Variants in CDH4 observed in about 807,000 individuals in gnomAD.
The protein encoded by CDH4 is cadherin-4.
Under a neutral mutation model 86.0 loss-of-function variants are expected in CDH4, and 33 were observed. The observed-to-expected ratio is 0.38, with a 90% CI of 0.29 to 0.51. The LOEUF is 0.51. CDH4 is among the 20% of genes least tolerant of loss of function. The pLI is 0.86. For missense variants in CDH4, 1,114 were observed against 1,307.4 expected, an observed-to-expected ratio of 0.85 and a Z score of 2.28; for synonymous variants, 555 against 549.4, an observed-to-expected ratio of 1.01 and a Z score of -0.14.
intron 2 of CDH4, among the ~76,000 whole-genome samples, chr20:61,313,205 T>A (rs1600857738): frequency 6.6e-6 from 1 of 152,208 alleles, no homozygotes; most frequent in East Asian, 1.9e-4. Context: ...ACGTGGGGCC[T>A]GGCTTAGCCC....
At position 61,879,846 on chromosome 20, in the gene CDH4, A is replaced by AT. The variant is rs1175270179; in HGVS notation, c.1050+5950dup. 6.6e-6 allele frequency among the ~76,000 whole-genome samples: 1 copy of AT among 152,082 alleles called. No individual in the cohort carries two copies. The highest frequency in any genetic ancestry group is 1.5e-5 in the Non-Finnish European group (1 of 68,010). Reference sequence around the variant, plus strand: ...TTCCAGGCTGCTCCCGAGGATGTTGATTTTGTTATTAGAAACTGAATCCGG... The same window carrying AT: ...TTCCAGGCTGCTCCCGAGGATGTTGATTTTTGTTATTAGAAACTGAATCCGG... On this transcript the variant is annotated intron_variant, in intron 7 of 15. Transcript: ENST00000614565. The surrounding 1 kb of genome is among the most constrained non-coding windows in gnomAD (Gnocchi z 4.1).
In CDH4 at chr20:61,684,727, T is replaced by G. The variant is rs2087555108; in HGVS notation, c.170-58836T>G. ...ACAGCTCCCAATCCTCGCCAGCACC[T>G]GGGACCTGCCACACCCACCCAGCAC... On this transcript the variant is annotated intron_variant, in intron 2 of 15. Transcript: ENST00000614565. This position sits in a 1 kb window ranked among gnomAD's most constrained non-coding sequence, Gnocchi z 4.5. 6.6e-6 allele frequency among the ~76,000 whole-genome samples: 1 copy of G among 152,140 alleles called. No homozygotes were observed.
chr20:61,698,175 G>T (rs1213515967), intron 2 of CDH4, among the ~76,000 whole-genome samples: 1 of 152,162 alleles, frequency 6.6e-6, no homozygotes, highest in African/African-American at 2.4e-5. Flanking sequence ...GCTCCACTCC[G>T]GACGGTCCCT....
At chr20:61,893,159 GA>G (rs1197040904) in intron 7 of CDH4, among the ~76,000 whole-genome samples, 3 of 106,712 alleles carry the variant, frequency 2.8e-5, no homozygotes, top group African/African-American at 3.5e-5. Flanking sequence ...TGGGTGAATA[GA>G]GGGATGGTGG....
chr20:61,565,236 G>GTGCTCT (rs1568688609), intron 2 of CDH4, among the ~76,000 whole-genome samples: 3 of 57,344 alleles, frequency 5.2e-5, no homozygotes, highest in East Asian at 4.0e-4. Flanking sequence ...GGTGGTGGTG[G>GTGCTCT]TGGTGGCGGT....
chr20:61,340,385 C>T (rs1012144989), intron 2 of CDH4, among the ~76,000 whole-genome samples: 1 of 152,170 alleles, frequency 6.6e-6, no homozygotes, highest in African/African-American at 2.4e-5. Context: ...AATGCAGCCT[C>T]CATCGTGGGT....
At chr20:61,534,871 C>A (rs62201791) in intron 2 of CDH4, among the ~76,000 whole-genome samples, 1 of 112,588 alleles carries the variant, frequency 8.9e-6, no homozygotes, top group African/African-American at 3.3e-5. Context: ...GGCAGAGATG[C>A]CTGCTCATCC....
chr20:61,919,747 A>G (rs570584323), intron 9 of CDH4, among the ~76,000 whole-genome samples: 4 of 150,082 alleles, frequency 2.7e-5, no homozygotes, highest in Non-Finnish European at 4.4e-5. Context: ...GCGTGGAAGC[A>G]TGTCATGGTT....
At position 61,374,899 on chromosome 20, in the gene CDH4, C is replaced by G. The variant is rs538777124; in HGVS notation, c.169+119962C>G. On this transcript the variant is annotated intron_variant, in intron 2 of 15. Transcript: ENST00000614565. ...TGCATCTGCATTATACAGCTTCGGTCTCCACGACCTCCTATTGCAACCCAG... is the reference window on the plus strand; with the variant it reads ...TGCATCTGCATTATACAGCTTCGGTGTCCACGACCTCCTATTGCAACCCAG... Among the ~76,000 whole-genome samples, 4 of 152,332 alleles carry G rather than the reference C, an allele frequency of 2.6e-5. No individual in the cohort carries two copies. The South Asian group carries it at 6.2e-4, about 24-fold the overall frequency.
intron 2 of CDH4, among the ~76,000 whole-genome samples, chr20:61,436,295 C>T (rs1000938455): frequency 1.3e-5 from 2 of 152,206 alleles, no homozygotes; most frequent in African/African-American, 4.8e-5. Flanking sequence ...TCCTGCAATT[C>T]ACTTCTGACA....
chr20:61,421,987 G>A (rs1032675025), intron 2 of CDH4, among the ~76,000 whole-genome samples: 2 of 152,134 alleles, frequency 1.3e-5, no homozygotes. Context: ...CTCACAGGCC[G>A]CGGCTATCAC....
intron 2 of CDH4, among the ~76,000 whole-genome samples, chr20:61,585,114 C>T (rs201219942): frequency 6.6e-6 from 1 of 152,222 alleles, no homozygotes; most frequent in East Asian, 1.9e-4. Context: ...AGAATCTTGG[C>T]TCAGGGTGAC....
rs374687622 is a variant in CDH4, at chr20:61,902,463, C to T, written c.1188+7416C>T. Among the ~76,000 whole-genome samples the T allele has an allele frequency of 3.9e-5, 6 of 152,262 alleles. No homozygotes were observed. Among genetic ancestry groups the T allele is most frequent in the Admixed American group, 6.5e-5 (1 of 15,288 alleles). ...GTGCAAGGGCAGATCCACAGAGGAG[C>T]GTGCGGGGCCCCACCTTCCCAGGGA... On this transcript the variant is annotated intron_variant, in intron 8 of 15. Transcript: ENST00000614565. The surrounding 1 kb of genome is among the most constrained non-coding windows in gnomAD (Gnocchi z 4.6).
intron 2 of CDH4, among the ~76,000 whole-genome samples, chr20:61,742,412 G>A (rs541855152): frequency 3.9e-5 from 6 of 152,330 alleles, no homozygotes; most frequent in Non-Finnish European, 8.8e-5. Context: ...GAACAGACAC[G>A]TTATTTATTC....
At chr20:61,371,416 C>T (rs2084839475) in intron 2 of CDH4, among the ~76,000 whole-genome samples, 1 of 152,226 alleles carries the variant, frequency 6.6e-6, no homozygotes, top group Non-Finnish European at 1.5e-5. Flanking sequence ...CACGACTTGT[C>T]CCCGCAGGTA....
chr20:61,285,250 C>A (rs2084287074), intron 2 of CDH4, among the ~76,000 whole-genome samples: 1 of 152,222 alleles, frequency 6.6e-6, no homozygotes, highest in Admixed American at 6.5e-5. Flanking sequence ...CGTGTGACAT[C>A]GTCAAGGTTA....
chr20:61,430,237 T>C (rs2085238979), intron 2 of CDH4, among the ~76,000 whole-genome samples: 1 of 152,194 alleles, frequency 6.6e-6, no homozygotes, highest in Admixed American at 6.5e-5. Context: ...GCAGAGATAA[T>C]GAAAGAATGA....
intron 2 of CDH4, among the ~76,000 whole-genome samples, chr20:61,389,813 G>A (rs1221893583): frequency 2.0e-5 from 3 of 152,014 alleles, no homozygotes; most frequent in Admixed American, 1.3e-4. Flanking sequence ...CACCATGTCT[G>A]GGAAACCCCG....
In CDH4 at chr20:61,694,958, G is replaced by C. The variant is rs116185202; in HGVS notation, c.170-48605G>C. On this transcript the variant is annotated intron_variant, in intron 2 of 15. Transcript: ENST00000614565. ...CCTGTTGTGCCTTCAGAGACTAACA[G>C]CTAAATCCTTCATTCTTTCAGCTCC... 3.3e-3 allele frequency among the ~76,000 whole-genome samples: 500 copies of C among 152,334 alleles called. 2 individuals carry two copies. The highest frequency in any genetic ancestry group is 0.011 in the African/African-American group (477 of 41,582).
Sources: gnomAD v4.1 joint callset for allele counts (sites outside exome capture counted in the v4.1 genomes callset) on GRCh38, gnomAD v4.1.1 for gene constraint, Gnocchi (gnomAD v3.1) non-coding constraint, MANE v1.5 for transcripts, NCBI Gene and HGNC (gene_info 2026-07-23, HGNC 2026-07-21) for gene names.